The following ANKRD12 variants were observed in gnomAD, a reference collection of about 807,000 sequenced individuals.
ANKRD12 encodes the protein ankyrin repeat domain 12.
A neutral mutation model predicts 183.4 loss-of-function variants in ANKRD12; 85 were observed. The ratio of observed to expected loss-of-function variants is 0.46; its 90% confidence interval spans 0.39 to 0.56. ANKRD12 has a LOEUF of 0.56. Ranked by LOEUF, ANKRD12 falls within the 20% of genes least tolerant of loss-of-function variation. The pLI, the probability that ANKRD12 is intolerant of heterozygous loss-of-function variation, is 0.00. For synonymous variants in ANKRD12, 914 were observed against 800.2 expected (o/e 1.14, Z -2.40); for missense variants, 2,405 against 2,357.1 (o/e 1.02, Z -0.42).
At chr18:9,188,619 T>C (rs1023325861) in intron 2 of ANKRD12, among the ~76,000 whole-genome samples, 11 of 152,246 alleles carry the variant, frequency 7.2e-5, no homozygotes, top group Non-Finnish European at 1.5e-4. Flanking sequence ...TTTTACAAAT[T>C]GAAGGTTAGT....
rs2038755412 is a variant in ANKRD12, at chr18:9,258,197, C to T, written c.4930C>T (p.His1644Tyr). 3 of 1,613,832 alleles carry T rather than the reference C, an allele frequency of 1.9e-6. No homozygotes were observed. Among genetic ancestry groups the T allele is most frequent in the African/African-American group, 1.3e-5 (1 of 75,010 alleles). Residue 1644 changes from histidine to tyrosine, a missense_variant, in exon 9 of 13, where the codon CAT becomes TAT. His to Tyr is a moderately conservative substitution (Grantham distance 83). This residue lies in a region of ANKRD12 where 1,983 missense variants were observed against 1,725.9 expected (regional missense o/e 1.15). Transcript: ENST00000262126. ...ENKLESLVLT[H>Y]LSRCDSDLCE... is the part of the protein sequence containing the mutation. Reference sequence around the variant, plus strand: ...CAAACTGGAGAGTTTGGTTTTAACTCATTTGAGTAGGTGTGATTCTGATTT... The same window carrying T: ...CAAACTGGAGAGTTTGGTTTTAACTTATTTGAGTAGGTGTGATTCTGATTT...
At chr18:9,173,435 G>A (rs2032939783) in intron 1 of ANKRD12, among the ~76,000 whole-genome samples, 1 of 152,122 alleles carries the variant, frequency 6.6e-6, no homozygotes, top group Non-Finnish European at 1.5e-5. Context: ...GTTGTTTTCT[G>A]TTTTTCTTTT....
intron 8 of ANKRD12, chr18:9,239,408 T>A (rs2037530235): frequency 1.5e-6 from 1 of 670,812 alleles, no homozygotes; most frequent in African/African-American, 1.9e-5. Context: ...ACACACCTTC[T>A]AGAACCTTTT....
intron 1 of ANKRD12, among the ~76,000 whole-genome samples, chr18:9,176,342 A>G (rs1420286539): frequency 2.0e-5 from 3 of 152,030 alleles, no homozygotes; most frequent in South Asian, 2.1e-4. Flanking sequence ...CCCAGGCCAG[A>G]GTGCAGTGTG....
chr18:9,275,756 G>T, intron 11 of ANKRD12, 89 bp downstream of exon 11: 1 of 1,279,324 alleles, frequency 7.8e-7, no homozygotes, highest in Non-Finnish European at 1.0e-6. Flanking sequence ...GAAAGAACTT[G>T]AACTCAACAA....
intron 1 of ANKRD12, among the ~76,000 whole-genome samples, chr18:9,180,119 C>G (rs1039476090): frequency 6.6e-6 from 1 of 151,992 alleles, no homozygotes; most frequent in Non-Finnish European, 1.5e-5. Flanking sequence ...GTTTTTGTTT[C>G]ATGTATTTTG....
At chr18:9,215,612 A>G (rs752071471) in intron 6 of ANKRD12, among the ~76,000 whole-genome samples, 6 of 152,154 alleles carry the variant, frequency 3.9e-5, no homozygotes, top group African/African-American at 7.2e-5. Flanking sequence ...AGGATTGTCA[A>G]CGCTGTAGAA....
intron 1 of ANKRD12, among the ~76,000 whole-genome samples, chr18:9,138,287 T>C (rs2078194880): frequency 6.6e-6 from 1 of 152,082 alleles, no homozygotes; most frequent in African/African-American, 2.4e-5. Context: ...CCGACGTGGG[T>C]AGATCACCTG....
intron 11 of ANKRD12, among the ~76,000 whole-genome samples, chr18:9,277,607 G>A (rs558879420): frequency 2.0e-5 from 3 of 151,834 alleles, no homozygotes; most frequent in South Asian, 2.1e-4. Flanking sequence ...GATTACAGGC[G>A]TGAGCCACCG....
At chr18:9,163,264 T>C (rs1346939850) in intron 1 of ANKRD12, among the ~76,000 whole-genome samples, 1 of 152,232 alleles carries the variant, frequency 6.6e-6, no homozygotes, top group Non-Finnish European at 1.5e-5. Context: ...TGCATATGGC[T>C]ACCCAGCTCT....
At position 9,258,111 on chromosome 18, in the gene ANKRD12, G is replaced by A. The variant is rs780506832; in HGVS notation, c.4844G>A (p.Ser1615Asn). 50 of 1,613,284 alleles carry A rather than the reference G, an allele frequency of 3.1e-5. No homozygotes were observed. Among genetic ancestry groups the A allele is most frequent in the Non-Finnish European group, 3.0e-5 (35 of 1,179,976 alleles). Residue 1615 changes from serine to asparagine, a missense_variant, in exon 9 of 13, where the codon AGT becomes AAT. Around this residue, in one of 7 missense-constraint regions of ANKRD12, gnomAD observed 1,983 missense variants for 1,725.9 expected, o/e 1.15. Transcript: ENST00000262126. ...AGCAAACTAACTTACAAGTCTTCCA[G>A]TGGCCATGAAGTTGAGAATAGCACA... ...AFSKLTYKSSSGHEVENSTTD... is the reference protein window; with the variant it reads ...AFSKLTYKSSNGHEVENSTTD...
chr18:9,257,455 C>G lies in ANKRD12; in HGVS notation c.4188C>G (p.Asn1396Lys). The G allele has an allele frequency of 6.2e-7, 1 of 1,614,108 alleles. No homozygotes were observed. Among genetic ancestry groups the G allele is most frequent in the South Asian group, 1.1e-5 (1 of 91,088 alleles). ...TCATCAAGAATACTGCCCCAGTGAA[C>G]ACTGTAATGGACAGTCCAGTGCATT... ...RNLIKNTAPV[N>K]TVMDSPVHLE... Residue 1396 changes from asparagine to lysine, a missense_variant, in exon 9 of 13, where the codon AAC becomes AAG. Physicochemically the swap from Asn to Lys is moderately conservative, Grantham distance 94. Coordinates refer to ENST00000262126, the MANE Select transcript of ANKRD12 (RefSeq NM_015208.5).
rs189775306 is a variant in ANKRD12, at chr18:9,161,631, C to T, written c.-51-20751C>T. On this transcript the variant is annotated intron_variant, in intron 1 of 12. Transcript: ENST00000262126. ...GACCTTGTGATCCGCCCGCCTCGGC[C>T]TTCCAAAGTGCTGGGATTACAGGTG... Among the ~76,000 whole-genome samples, 117 of 152,082 alleles carry T rather than the reference C, an allele frequency of 7.7e-4. 4 individuals are homozygous for T. The East Asian group carries it at 0.022, about 28-fold the overall frequency.
At chr18:9,279,508 G>A (rs199994830) in intron 11 of ANKRD12, 41 bp from the exon 12 acceptor site, 1 of 1,183,832 alleles carries the variant, frequency 8.4e-7, no homozygotes, top group East Asian at 2.4e-5. Flanking sequence ...AGATTTTAAA[G>A]TGATTTATTG....
At chr18:9,226,959 T>A (rs2036753207) in intron 8 of ANKRD12, among the ~76,000 whole-genome samples, 1 of 152,148 alleles carries the variant, frequency 6.6e-6, no homozygotes, top group Non-Finnish European at 1.5e-5. Flanking sequence ...GCTCCTAGAC[T>A]GGATCCTGTA....
chr18:9,176,274 C>G lies in ANKRD12; in HGVS notation c.-51-6108C>G, dbSNP rs147580400. On this transcript the variant is annotated intron_variant, in intron 1 of 12. Coordinates refer to ENST00000262126, the MANE Select transcript of ANKRD12 (RefSeq NM_015208.5). ...GTTGGAAAACAGACAAAACACTGTT[C>G]TATTTTTTTTTTGAGACTGGGTCTG... Among the ~76,000 whole-genome samples, 366 of 151,956 alleles carry G rather than the reference C, an allele frequency of 2.4e-3. 8 individuals are homozygous for G. The highest frequency in any genetic ancestry group is 8.3e-3 in the African/African-American group (344 of 41,478).
intron 8 of ANKRD12, among the ~76,000 whole-genome samples, chr18:9,237,528 A>G (rs2037415334): frequency 6.6e-6 from 1 of 152,228 alleles, no homozygotes; most frequent in African/African-American, 2.4e-5. Flanking sequence ...AAATCAATGT[A>G]TAGCCTCACC....
At chr18:9,166,977 C>CT (rs2032138646) in intron 1 of ANKRD12, among the ~76,000 whole-genome samples, 1 of 151,928 alleles carries the variant, frequency 6.6e-6, no homozygotes, top group Non-Finnish European at 1.5e-5. Flanking sequence ...ATAGGGAATC[C>CT]TTTCCCCATT....
intron 8 of ANKRD12, among the ~76,000 whole-genome samples, chr18:9,241,405 A>G (rs1190988503): frequency 6.6e-6 from 1 of 152,162 alleles, no homozygotes; most frequent in Non-Finnish European, 1.5e-5. Flanking sequence ...TTTATTAGAT[A>G]ATAGTTCAAG....
Sources: gnomAD v4.1 joint callset for allele counts (sites outside exome capture counted in the v4.1 genomes callset) on GRCh38, gnomAD v4.1.1 for gene constraint, gnomAD v4.1.1 regional missense constraint, MANE v1.5 for transcripts, NCBI Gene and HGNC (gene_info 2026-07-23, HGNC 2026-07-21) for gene names.